Variants in MMS22L observed in about 807,000 individuals in gnomAD.
MMS22L encodes the protein protein MMS22-like.
A neutral mutation model predicts 159.1 loss-of-function variants in MMS22L; 74 were observed. The ratio of observed to expected loss-of-function variants is 0.47; its 90% confidence interval spans 0.39 to 0.56. The LOEUF is 0.56. Among genes scored for constraint, MMS22L ranks in the 20% least tolerant of loss-of-function variants. The probability of loss-of-function intolerance (pLI) is 0.00; values close to 1 mark genes in which losing one functional copy is unlikely to be tolerated. For missense variants in MMS22L, 1,351 were observed against 1,422.1 expected, an observed-to-expected ratio of 0.95 and a Z score of 0.80; for synonymous variants, 517 against 506.9, an observed-to-expected ratio of 1.02 and a Z score of -0.27.
intron 9 of MMS22L, among the ~76,000 whole-genome samples, chr6:97,262,895 A>G (rs779068922): frequency 7.2e-5 from 11 of 152,182 alleles, no homozygotes; most frequent in Non-Finnish European, 1.5e-4. Context: ...AAATGAAGTG[A>G]AAGTTTCTCA....
At chr6:97,223,826 T>C (rs1450089768) in intron 14 of MMS22L, among the ~76,000 whole-genome samples, 2 of 152,158 alleles carry the variant, frequency 1.3e-5, no homozygotes, top group African/African-American at 4.8e-5. Context: ...GTTCCTTTTA[T>C]TACATACAGT....
At chr6:97,222,633 C>G (rs143103471) in intron 14 of MMS22L, among the ~76,000 whole-genome samples, 1 of 152,102 alleles carries the variant, frequency 6.6e-6, no homozygotes, top group East Asian at 1.9e-4. Context: ...TTTTTAAACT[C>G]CAAATGGTAT....
chr6:97,187,950 A>T (rs920036589), intron 14 of MMS22L, among the ~76,000 whole-genome samples: 2 of 152,234 alleles, frequency 1.3e-5, no homozygotes, highest in Non-Finnish European at 2.9e-5. Flanking sequence ...ACTACAGGAA[A>T]TATTCAAAAA....
chr6:97,248,273 G>A (rs1207246074), intron 10 of MMS22L, among the ~76,000 whole-genome samples: 1 of 152,222 alleles, frequency 6.6e-6, no homozygotes, highest in African/African-American at 2.4e-5. Flanking sequence ...TGCAGTTCCA[G>A]TTAAATCTTC....
chr6:97,234,355 T>C (rs1042727407), intron 11 of MMS22L, among the ~76,000 whole-genome samples: 1 of 152,178 alleles, frequency 6.6e-6, no homozygotes, highest in African/African-American at 2.4e-5. Flanking sequence ...GAGTGCTTGG[T>C]CATACTTAAG....
chr6:97,152,364 CT>C (rs1801401196), intron 22 of MMS22L, among the ~76,000 whole-genome samples: 1 of 151,802 alleles, frequency 6.6e-6, no homozygotes, highest in African/African-American at 2.4e-5. Flanking sequence ...GTTTGTGATG[CT>C]ATCTTCCTTT....
In MMS22L at chr6:97,267,871, C is replaced by T; in HGVS notation, c.828+1G>A. On this transcript the variant is annotated splice_donor_variant, in intron 8 of 24. Transcript: ENST00000683635. LOFTEE classifies it high-confidence loss of function. ...AAAAATACAAACTCTTAAAGCATTACCTTGTCGTACCTGTTGAGTGACAGG... is the reference window on the plus strand; with the variant it reads ...AAAAATACAAACTCTTAAAGCATTATCTTGTCGTACCTGTTGAGTGACAGG... 5 of 1,598,664 alleles carry T rather than the reference C, an allele frequency of 3.1e-6. No individual in the cohort carries two copies. Among genetic ancestry groups the T allele is most frequent in the Non-Finnish European group, 4.3e-6 (5 of 1,175,118 alleles).
chr6:97,243,916 T>A (rs1288498933), intron 11 of MMS22L, among the ~76,000 whole-genome samples: 1 of 152,060 alleles, frequency 6.6e-6, no homozygotes, highest in Non-Finnish European at 1.5e-5. Flanking sequence ...TGTGATGTGA[T>A]CTATCTTCAG....
intron 22 of MMS22L, among the ~76,000 whole-genome samples, chr6:97,153,889 T>C (rs1801579643): frequency 6.6e-6 from 1 of 152,208 alleles, no homozygotes; most frequent in African/African-American, 2.4e-5. Context: ...ATTCTACTTT[T>C]TGGCTATAAT....
At chr6:97,191,983 C>T (rs1805915286) in intron 14 of MMS22L, among the ~76,000 whole-genome samples, 1 of 152,102 alleles carries the variant, frequency 6.6e-6, no homozygotes, top group African/African-American at 2.4e-5. Flanking sequence ...TTTTACAAAG[C>T]CTCAATTTGA....
chr6:97,227,113 A>C (rs1326071995), intron 14 of MMS22L, among the ~76,000 whole-genome samples: 1 of 152,198 alleles, frequency 6.6e-6, no homozygotes, highest in African/African-American at 2.4e-5. Context: ...AACCAAAAAG[A>C]TTGCCAGAAA....
chr6:97,236,342 A>G (rs867991105), intron 11 of MMS22L, among the ~76,000 whole-genome samples: 7 of 151,376 alleles, frequency 4.6e-5, no homozygotes, highest in East Asian at 3.9e-4. Context: ...AAAAAAAAAA[A>G]AGAGAAGTTC....
intron 20 of MMS22L, 58 bp from the exon 21 acceptor site, chr6:97,165,515 T>C (rs1393382547): frequency 5.4e-5 from 76 of 1,406,884 alleles, no homozygotes; most frequent in Non-Finnish European, 7.2e-5. Context: ...ACAAACAATA[T>C]TTAGAAACTC....
At chr6:97,181,412 A>G (rs968365456) in intron 16 of MMS22L, among the ~76,000 whole-genome samples, 1 of 151,998 alleles carries the variant, frequency 6.6e-6, no homozygotes, top group Non-Finnish European at 1.5e-5. Flanking sequence ...ATACTTATAG[A>G]TAAGGAAGAC....
Position 97,178,415 on chromosome 6 carries a change from G to A in MMS22L, c.2679+28C>T, listed in dbSNP as rs148446896. 371 of 1,460,448 alleles carry A rather than the reference G, an allele frequency of 2.5e-4. 2 individuals carry two copies. The African/African-American group carries it at 4.4e-3, about 17-fold the overall frequency. The allele number at this position is 1,460,448 out of a possible 1,614,324, so 90.5% of individuals were successfully genotyped here. On this transcript the variant is annotated intron_variant, in intron 18 of 24. Coordinates refer to ENST00000683635, the MANE Select transcript of MMS22L (RefSeq NM_001350599.2). ...CTGAAAATTAATTGTAATTAATCTG[G>A]ACAATTATACTAATAAATGACAAAT... is the stretch of plus-strand genomic sequence containing the variant.
intron 4 of MMS22L, among the ~76,000 whole-genome samples, chr6:97,273,306 A>C (rs1815940683): frequency 6.6e-6 from 1 of 152,158 alleles, no homozygotes; most frequent in South Asian, 2.1e-4. Context: ...CCACAGTAGC[A>C]CTAGCTACAC....
chr6:97,164,501 TG>T (rs1802762365), intron 21 of MMS22L, among the ~76,000 whole-genome samples: 1 of 150,024 alleles, frequency 6.7e-6, no homozygotes, highest in African/African-American at 2.5e-5. Context: ...TAAGAAGTTT[TG>T]TTTTTCATTT....
intron 14 of MMS22L, among the ~76,000 whole-genome samples, chr6:97,209,799 A>G (rs72934657): frequency 6.6e-6 from 1 of 152,002 alleles, no homozygotes; most frequent in African/African-American, 2.4e-5. Flanking sequence ...GATGCTTAAG[A>G]AAAGTCTTTC....
At chr6:97,254,057 T>A (rs1314906985) in intron 10 of MMS22L, 1 of 152,616 alleles carries the variant, frequency 6.6e-6, no homozygotes, top group East Asian at 1.9e-4. Context: ...CTAGTTAAAA[T>A]CTCTTTGTAT....
Sources: gnomAD v4.1 joint callset for allele counts (sites outside exome capture counted in the v4.1 genomes callset) on GRCh38, gnomAD v4.1.1 for gene constraint, MANE v1.5 for transcripts, NCBI Gene and HGNC (gene_info 2026-07-23, HGNC 2026-07-21) for gene names.